The following SGCZ variants were observed in gnomAD, a reference collection of about 807,000 sequenced individuals.
SGCZ encodes the protein zeta-sarcoglycan.
Under a neutral mutation model 41.3 loss-of-function variants are expected in SGCZ, and 40 were observed. The observed-to-expected ratio is 0.97, with a 90% confidence interval of 0.75 to 1.26. SGCZ has a LOEUF of 1.26. Among genes scored for constraint, SGCZ ranks in the 50% most tolerant of loss-of-function variants. SGCZ has a pLI of 0.00. For synonymous variants in SGCZ, 206 were observed against 137.5 expected (o/e 1.50, Z -3.49); for missense variants, 552 against 369.8 (o/e 1.49, Z -4.04).
chr8:14,581,174 C>T (rs571001659), intron 1 of SGCZ, among the ~76,000 whole-genome samples: 1 of 152,224 alleles, frequency 6.6e-6, no homozygotes, highest in South Asian at 2.1e-4. Context: ...GTGGTGCGAT[C>T]TCGGCTCACT....
chr8:14,262,002 C>T (rs548234437), intron 3 of SGCZ, among the ~76,000 whole-genome samples: 9 of 152,120 alleles, frequency 5.9e-5, no homozygotes, highest in African/African-American at 1.7e-4. Flanking sequence ...AACTCCTACT[C>T]TAAGCAATTT....
At chr8:14,905,722 A>G (rs1200096772) in intron 1 of SGCZ, among the ~76,000 whole-genome samples, 1 of 152,118 alleles carries the variant, frequency 6.6e-6, no homozygotes, top group African/African-American at 2.4e-5. Context: ...ATAGGTAAAG[A>G]TGTCATCAGA....
chr8:14,915,190 A>G (rs1799395998), intron 1 of SGCZ, among the ~76,000 whole-genome samples: 1 of 152,194 alleles, frequency 6.6e-6, no homozygotes, highest in South Asian at 2.1e-4. Context: ...GATAAATAAC[A>G]ATTTACAAAT....
At chr8:14,705,379 G>A (rs1003395746) in intron 1 of SGCZ, among the ~76,000 whole-genome samples, 1 of 151,508 alleles carries the variant, frequency 6.6e-6, no homozygotes, top group African/African-American at 2.4e-5. Flanking sequence ...GACTATCTAT[G>A]TGACTATGTG....
At position 14,127,982 on chromosome 8, in the gene SGCZ, C is replaced by G. The variant is rs576701451; in HGVS notation, c.548-19747G>C. 3.9e-5 allele frequency among the ~76,000 whole-genome samples: 6 copies of G among 152,244 alleles called. No homozygotes were observed. In the South Asian group the frequency reaches 1.0e-3, roughly 26 times the overall value. On this transcript the variant is annotated intron_variant, in intron 5 of 7. Coordinates refer to ENST00000382080, the MANE Select transcript of SGCZ (RefSeq NM_139167.4). The stretch of plus-strand genomic sequence containing the variant: ...GTTTCCTTCTTTGTATACATAAGTT[C>G]TTATCATTTAGCTCCCACTTATAAG...
At chr8:14,573,134 A>G (rs1804604861) in intron 1 of SGCZ, among the ~76,000 whole-genome samples, 1 of 151,852 alleles carries the variant, frequency 6.6e-6, no homozygotes, top group Non-Finnish European at 1.5e-5. Flanking sequence ...AATAAGCATA[A>G]CATGAAACAA....
At chr8:14,119,745 TA>T (rs1217015617) in intron 5 of SGCZ, among the ~76,000 whole-genome samples, 1 of 152,208 alleles carries the variant, frequency 6.6e-6, no homozygotes, top group Non-Finnish European at 1.5e-5. Flanking sequence ...CATCAATATC[TA>T]GTTTGTTGAG....
chr8:14,901,383 G>A (rs937993285), intron 1 of SGCZ, among the ~76,000 whole-genome samples: 1 of 152,150 alleles, frequency 6.6e-6, no homozygotes, highest in African/African-American at 2.4e-5. Context: ...AAGGTCATTG[G>A]TCAGTTTGGA....
At chr8:14,964,648 A>C (rs1011378504) in intron 1 of SGCZ, among the ~76,000 whole-genome samples, 2 of 152,150 alleles carry the variant, frequency 1.3e-5, no homozygotes, top group Admixed American at 6.6e-5. Flanking sequence ...CCTGAATTGA[A>C]ACAAGCGTTA....
chr8:15,237,539 G>C (rs1400918202), intron 1 of SGCZ, 46 bp downstream of exon 1: 1 of 1,572,546 alleles, frequency 6.4e-7, no homozygotes, highest in African/African-American at 1.4e-5. Context: ...GGGAGAGCAG[G>C]GAGCGCCGAG....
chr8:14,329,540 T>C (rs746897371), intron 2 of SGCZ, among the ~76,000 whole-genome samples: 2 of 152,176 alleles, frequency 1.3e-5, no homozygotes, highest in Non-Finnish European at 2.9e-5. Flanking sequence ...AGCTTGGAGA[T>C]TGCCACCTAA....
chr8:14,835,836 A>G (rs1337938262), intron 1 of SGCZ, among the ~76,000 whole-genome samples: 2 of 152,242 alleles, frequency 1.3e-5, no homozygotes, highest in African/African-American at 2.4e-5. Context: ...TGTTTTCAGT[A>G]GAAACAATCA....
chr8:14,433,578 T>A (rs964722509), intron 2 of SGCZ, among the ~76,000 whole-genome samples: 1 of 152,230 alleles, frequency 6.6e-6, no homozygotes, highest in Non-Finnish European at 1.5e-5. Flanking sequence ...TCTGCCATTA[T>A]GATCTTCCAT....
At chr8:14,648,342 T>A (rs953212268) in intron 1 of SGCZ, among the ~76,000 whole-genome samples, 3 of 152,118 alleles carry the variant, frequency 2.0e-5, no homozygotes, top group Non-Finnish European at 2.9e-5. Flanking sequence ...ACATGCTTTC[T>A]TCAAATCAAG....
At chr8:14,426,290 G>C (rs968336558) in intron 2 of SGCZ, among the ~76,000 whole-genome samples, 1 of 152,072 alleles carries the variant, frequency 6.6e-6, no homozygotes, top group South Asian at 2.1e-4. Flanking sequence ...AAACAAGGAG[G>C]GTGATTAGGA....
intron 1 of SGCZ, among the ~76,000 whole-genome samples, chr8:15,084,452 C>CA (rs1030415105): frequency 6.6e-6 from 1 of 151,932 alleles, no homozygotes; most frequent in African/African-American, 2.4e-5. Context: ...GAATACTTCC[C>CA]AAAAAATCAG....
In SGCZ at chr8:14,940,595, A is replaced by G. The variant is rs563820089; in HGVS notation, c.39+296990T>C. ...GGCTAAAGATTTAAACATATAAACAAAAAGATAAATGTCATGAAAAATTCA... is the reference window on the plus strand; with the variant it reads ...GGCTAAAGATTTAAACATATAAACAGAAAGATAAATGTCATGAAAAATTCA... On this transcript the variant is annotated intron_variant, in intron 1 of 7. Transcript: ENST00000382080. Among the ~76,000 whole-genome samples, 281 of 152,306 alleles carry G rather than the reference A, an allele frequency of 1.8e-3. 1 individual carries two copies. The highest frequency in any genetic ancestry group is 6.4e-3 in the African/African-American group (268 of 41,580).
Position 14,104,838 on chromosome 8 carries a change from A to G in SGCZ, c.621-2339T>C, listed in dbSNP as rs1423190068. 3.9e-5 allele frequency among the ~76,000 whole-genome samples: 6 copies of G among 152,134 alleles called. No individual in the cohort carries two copies. In the East Asian group the frequency reaches 9.6e-4, roughly 24 times the overall value. On this transcript the variant is annotated intron_variant, in intron 6 of 7. Transcript: ENST00000382080. ...TGTGTTAAGCTGTATTTTTGCAACA[A>G]TGAGAATTATGAAAAGATGCCAATT...
intron 2 of SGCZ, among the ~76,000 whole-genome samples, chr8:14,425,205 C>G (rs1799745172): frequency 6.6e-6 from 1 of 152,172 alleles, no homozygotes; most frequent in Non-Finnish European, 1.5e-5. Context: ...GAAATCGAAT[C>G]AGAGTTACAG....
Sources: allele counts gnomAD v4.1 joint callset (sites outside exome capture counted in the v4.1 genomes callset), GRCh38; gene constraint gnomAD v4.1.1; transcripts MANE v1.5; gene names NCBI Gene and HGNC (gene_info 2026-07-23, HGNC 2026-07-21).